Variants in KCTD8 observed in about 807,000 individuals in gnomAD.
KCTD8 encodes the protein potassium channel tetramerization domain containing 8.
Under a neutral mutation model 31.5 loss-of-function variants are expected in KCTD8, and 27 were observed. The observed-to-expected ratio is 0.86, with a 90% CI of 0.63 to 1.18. The LOEUF is 1.18. KCTD8 is among the 50% of genes most tolerant of loss of function. The probability of loss-of-function intolerance (pLI) is 0.00; values close to 1 mark genes in which losing one functional copy is unlikely to be tolerated. For synonymous variants in KCTD8, 290 were observed against 280.0 expected (o/e 1.04, Z -0.36); for missense variants, 658 against 647.7 (o/e 1.02, Z -0.17).
chr4:44,272,121 T>TTTTTTATATATATATATATATATATA (rs1716629803), intron 1 of KCTD8, among the ~76,000 whole-genome samples: 1 of 142,526 alleles, frequency 7.0e-6, no homozygotes, highest in African/African-American at 2.7e-5. Context: ...TGGTATTATA[T>TTTTTTATATATATATATATATATATA]TATATATATA....
chr4:44,323,526 T>TA (rs1376427314), intron 1 of KCTD8, among the ~76,000 whole-genome samples: 1 of 79,898 alleles, frequency 1.3e-5, no homozygotes. Flanking sequence ...AATTAAAAAT[T>TA]AAAAAAAATA....
At chr4:44,195,617 G>GA (rs1225284216) in intron 1 of KCTD8, among the ~76,000 whole-genome samples, 4 of 152,070 alleles carry the variant, frequency 2.6e-5, no homozygotes, top group Admixed American at 6.5e-5. Context: ...CATATAACTA[G>GA]AAAAAACTTT....
At position 44,378,983 on chromosome 4, in the gene KCTD8, A is replaced by T. The variant is rs370340763; in HGVS notation, c.961+68580T>A. ...CTTATATTCCTTAGCTCATGACCCC[A>T]TCTTTCATCTTCAAAGCCAGCTGCA... On this transcript the variant is annotated intron_variant, in intron 1 of 1. Coordinates refer to ENST00000360029, the MANE Select transcript of KCTD8 (RefSeq NM_198353.3). Among the ~76,000 whole-genome samples the T allele has an allele frequency of 7.2e-5, 11 of 152,130 alleles. No individual in the cohort carries two copies. In the South Asian group the frequency reaches 1.0e-3, roughly 14 times the overall value.
chr4:44,385,456 A>G (rs1421410830), intron 1 of KCTD8, among the ~76,000 whole-genome samples: 1 of 151,774 alleles, frequency 6.6e-6, no homozygotes. Flanking sequence ...TGGGGAATGC[A>G]AAGTGTTTTC....
In KCTD8 at chr4:44,434,084, G is replaced by A. The variant is rs572144604; in HGVS notation, c.961+13479C>T. 2.8e-4 allele frequency among the ~76,000 whole-genome samples: 42 copies of A among 151,764 alleles called. No homozygotes were observed. In the Middle Eastern group the frequency reaches 0.01, roughly 37 times the overall value. Reference sequence around the variant, plus strand: ...CTTCCAACACTTCCCCTGATATCCAGCCAAATCAAACTATTCCCCGAACAT... The same window carrying A: ...CTTCCAACACTTCCCCTGATATCCAACCAAATCAAACTATTCCCCGAACAT... On this transcript the variant is annotated intron_variant, in intron 1 of 1. Transcript: ENST00000360029.
At position 44,240,475 on chromosome 4, in the gene KCTD8, T is replaced by G. The variant is rs1024532093; in HGVS notation, c.962-65225A>C. Among the ~76,000 whole-genome samples, 6 of 152,152 alleles carry G rather than the reference T, an allele frequency of 3.9e-5. No individual in the cohort carries two copies. The East Asian group carries it at 1.2e-3, about 29-fold the overall frequency. ...TTTAATTCCACCCATGAATCAGAAT[T>G]GTTAGTAGTCCCGGGATTTTATTTG... On this transcript the variant is annotated intron_variant, in intron 1 of 1. Coordinates refer to ENST00000360029, the MANE Select transcript of KCTD8 (RefSeq NM_198353.3).
chr4:44,295,408 T>A (rs530977526), intron 1 of KCTD8, among the ~76,000 whole-genome samples: 82 of 152,292 alleles, frequency 5.4e-4, no homozygotes, highest in African/African-American at 1.9e-3. Context: ...GCTTAATAGC[T>A]CTTAAATCTA....
rs1021061523 is a variant in KCTD8, at chr4:44,193,657, T to A, written c.962-18407A>T. Among the ~76,000 whole-genome samples, 10 of 151,736 alleles carry A rather than the reference T, an allele frequency of 6.6e-5. No individual in the cohort carries two copies. In the South Asian group the frequency reaches 1.5e-3, roughly 22 times the overall value. Reference sequence around the variant, plus strand: ...AGGTATTTTAACAAAAAAAAAAAAATTAAAGGCTACACATATGAAAATGTA... The same window carrying A: ...AGGTATTTTAACAAAAAAAAAAAAAATAAAGGCTACACATATGAAAATGTA... On this transcript the variant is annotated intron_variant, in intron 1 of 1. Coordinates refer to ENST00000360029, the MANE Select transcript of KCTD8 (RefSeq NM_198353.3).
chr4:44,266,051 A>C (rs1268293918), intron 1 of KCTD8, among the ~76,000 whole-genome samples: 1 of 152,178 alleles, frequency 6.6e-6, no homozygotes, highest in Non-Finnish European at 1.5e-5. Flanking sequence ...AACGCCACCA[A>C]GATACTCCTC....
intron 1 of KCTD8, among the ~76,000 whole-genome samples, chr4:44,257,808 C>T (rs1023713302): frequency 1.3e-5 from 2 of 151,970 alleles, no homozygotes; most frequent in African/African-American, 2.4e-5. Context: ...CCTGCCTTTC[C>T]TCTTTACCTC....
At chr4:44,436,852 G>A (rs1038763858) in intron 1 of KCTD8, among the ~76,000 whole-genome samples, 4 of 151,970 alleles carry the variant, frequency 2.6e-5, no homozygotes, top group South Asian at 2.1e-4. Flanking sequence ...CAAAAGGTAC[G>A]ACTGGTGCTC....
intron 1 of KCTD8, among the ~76,000 whole-genome samples, chr4:44,299,755 ATT>A (rs147063305): frequency 1.4e-5 from 2 of 141,416 alleles, no homozygotes; most frequent in Non-Finnish European, 1.5e-5. Context: ...GCCTTAGGTG[ATT>A]TTTTTTTTCC....
At chr4:44,190,743 C>T (rs1238082241) in intron 1 of KCTD8, among the ~76,000 whole-genome samples, 1 of 152,152 alleles carries the variant, frequency 6.6e-6, no homozygotes, top group African/African-American at 2.4e-5. Flanking sequence ...CCCCCAATCC[C>T]AACTACAGTA....
At chr4:44,321,566 G>A (rs576362666) in intron 1 of KCTD8, among the ~76,000 whole-genome samples, 3 of 152,192 alleles carry the variant, frequency 2.0e-5, no homozygotes, top group Non-Finnish European at 4.4e-5. Context: ...CAGGATAACT[G>A]GGATATCCAC....
chr4:44,184,642 C>T (rs1560388753), intron 1 of KCTD8, among the ~76,000 whole-genome samples: 1 of 152,210 alleles, frequency 6.6e-6, no homozygotes, highest in African/African-American at 2.4e-5. Flanking sequence ...TCTATTCTCT[C>T]ATGGTGCCTT....
intron 1 of KCTD8, among the ~76,000 whole-genome samples, chr4:44,349,110 A>G (rs1272282901): frequency 7.1e-6 from 1 of 140,574 alleles, no homozygotes; most frequent in African/African-American, 2.6e-5. Flanking sequence ...CACCAATGCT[A>G]TCATCATCAT....
intron 1 of KCTD8, among the ~76,000 whole-genome samples, chr4:44,227,681 C>A (rs911513227): frequency 6.6e-6 from 1 of 152,034 alleles, no homozygotes; most frequent in African/African-American, 2.4e-5. Flanking sequence ...ATAAAAATAC[C>A]ATTTAGAAAT....
chr4:44,251,665 AT>A (rs1210350658), intron 1 of KCTD8, among the ~76,000 whole-genome samples: 1 of 151,226 alleles, frequency 6.6e-6, no homozygotes, highest in Admixed American at 6.6e-5. Flanking sequence ...AGGGTTCCTT[AT>A]TTTGTTCTTC....
intron 1 of KCTD8, among the ~76,000 whole-genome samples, chr4:44,268,161 C>G (rs915635329): frequency 5.3e-5 from 8 of 152,174 alleles, no homozygotes; most frequent in Middle Eastern, 3.4e-3. Flanking sequence ...ACTGGCAAAC[C>G]GAATCCAGCA....
Sources: allele counts gnomAD v4.1 joint callset (sites outside exome capture counted in the v4.1 genomes callset), GRCh38; gene constraint gnomAD v4.1.1; transcripts MANE v1.5; gene names NCBI Gene and HGNC (gene_info 2026-07-23, HGNC 2026-07-21).